NFASC: variants seen among roughly 807,000 people sequenced by gnomAD.
The protein encoded by NFASC is neurofascin homolog.
NFASC carries 43 observed loss-of-function variants against 147.5 expected under a neutral mutation model. The observed-to-expected ratio is 0.29, with a 90% CI of 0.23 to 0.38. The LOEUF is 0.38. Ranked by LOEUF, NFASC falls within the 10% of genes least tolerant of loss-of-function variation. The pLI is 1.00. For missense variants in NFASC, 1,320 were observed against 1,689.0 expected (o/e 0.78, Z 3.83); for synonymous variants, 622 against 665.5 (o/e 0.93, Z 1.01).
chr1:204,937,555 G>A (rs2092972334), intron 2 of NFASC, among the ~76,000 whole-genome samples: 1 of 152,178 alleles, frequency 6.6e-6, no homozygotes, highest in Admixed American at 6.5e-5. Context: ...ACCACACAGT[G>A]TGCAGCCTTT....
At chr1:204,993,339 C>G (rs928612720) in intron 24 of NFASC, among the ~76,000 whole-genome samples, 1 of 152,208 alleles carries the variant, frequency 6.6e-6, no homozygotes, top group African/African-American at 2.4e-5. Context: ...AACCTTCCAC[C>G]TTGGAATGTA....
At chr1:204,997,129 C>T (rs1214932119) in intron 24 of NFASC, 41 bp from the exon 25 acceptor site, 1 of 1,580,786 alleles carries the variant, frequency 6.3e-7, no homozygotes, top group Middle Eastern at 1.7e-4. Context: ...CTGGGCACAG[C>T]CAAACCAACC....
rs996805176 is a variant in NFASC, at chr1:204,975,434, T to C, written c.1706+16T>C. 4 of 1,600,052 alleles carry C rather than the reference T, an allele frequency of 2.5e-6. No individual in the cohort carries two copies. Among genetic ancestry groups the C allele is most frequent in the Non-Finnish European group, 2.6e-6 (3 of 1,169,056 alleles). ...TTGGAAACAGGTTTCTCTTCCCCCT[T>C]CCCCCTTCCTAGTGCTAGTTTGAGG... On this transcript the variant is annotated intron_variant, in intron 15 of 29. Transcript: ENST00000339876. This position sits in a 1 kb window ranked among gnomAD's most constrained non-coding sequence, Gnocchi z 4.0.
At chr1:204,956,913 AAAAAG>A (rs916288232) in intron 7 of NFASC, among the ~76,000 whole-genome samples, 1 of 152,200 alleles carries the variant, frequency 6.6e-6, no homozygotes, top group Non-Finnish European at 1.5e-5. Flanking sequence ...ACTTGAAAAA[AAAAAG>A]AAAAGAAAAT....
chr1:204,976,550 A>G, intron 15 of NFASC, 121 bp from the exon 16 acceptor site: 1 of 689,492 alleles, frequency 1.5e-6, no homozygotes, highest in Non-Finnish European at 2.6e-6. Context: ...GGAGCCTCAT[A>G]CCCCCAGAAG....
At position 204,968,155 on chromosome 1, in the gene NFASC, G is replaced by A. The variant is rs1030865090; in HGVS notation, c.707-94G>A. The A allele has an allele frequency of 2.5e-5, 22 of 874,068 alleles. No homozygotes were observed. The highest frequency in any genetic ancestry group is 4.9e-5 in the African/African-American group (3 of 60,726). 54.1% of individuals were successfully genotyped at this position (874,068 alleles called of 1,614,324 possible). On this transcript the variant is annotated intron_variant, in intron 8 of 29. Transcript: ENST00000339876. The surrounding 1 kb of genome is among the most constrained non-coding windows in gnomAD (Gnocchi z 5.4). ...TCAGCTGGGAGGATCCGGCAGGGGC[G>A]GTGATGCCACTTCTCTCTAGCCTGA... is the stretch of plus-strand genomic sequence containing the variant.
chr1:204,955,410 G>A (rs1367573500), intron 7 of NFASC, among the ~76,000 whole-genome samples: 3 of 152,136 alleles, frequency 2.0e-5, no homozygotes, highest in Non-Finnish European at 2.9e-5. Context: ...ATTGAAAGTG[G>A]TTGATACCAA....
In NFASC at chr1:204,859,502, C is replaced by T. The variant is rs547621170; in HGVS notation, c.-200+30720C>T. 5.6e-3 allele frequency among the ~76,000 whole-genome samples: 860 copies of T among 152,294 alleles called. 7 individuals carry two copies. The highest frequency in any genetic ancestry group is 8.4e-3 in the Non-Finnish European group (569 of 68,028). On this transcript the variant is annotated intron_variant, in intron 1 of 29. Transcript: ENST00000339876. ...GTAAGCTCCATGGCAGGGATTCTGT[C>T]CTTAGTGCCACATAGTGGGTGCCCA...
chr1:204,871,878 T>C (rs2077772394), intron 1 of NFASC, among the ~76,000 whole-genome samples: 1 of 152,184 alleles, frequency 6.6e-6, no homozygotes, highest in Non-Finnish European at 1.5e-5. Flanking sequence ...GTTAGGAAAC[T>C]CTTTCATGTC....
chr1:204,954,780 G>T lies in NFASC; in HGVS notation c.413-49G>T. ...TGCCTCTGACCCTGCTCCTTGCCCC[G>T]GGCCCAGCCATCACCCTCACTTTAT... On this transcript the variant is annotated intron_variant, in intron 6 of 29. Transcript: ENST00000339876. The surrounding 1 kb of genome is among the most constrained non-coding windows in gnomAD (Gnocchi z 5.7). The T allele has an allele frequency of 6.2e-7, 1 of 1,604,772 alleles. No homozygotes were observed.
At chr1:204,953,948 A>G (rs1262768196) in intron 5 of NFASC, among the ~76,000 whole-genome samples, 1 of 152,196 alleles carries the variant, frequency 6.6e-6, no homozygotes, top group Non-Finnish European at 1.5e-5. Context: ...GGGTAGAAAT[A>G]CTAACGTCAG....
intron 23 of NFASC, chr1:204,989,103 A>G (rs2095669242): frequency 2.3e-6 from 1 of 435,890 alleles, no homozygotes; most frequent in Non-Finnish European, 4.2e-6. Context: ...GGAAGAGAGC[A>G]TGAGTTGAGA....
chr1:204,977,200 C>G (rs2095424948), intron 16 of NFASC: 2 of 838,034 alleles, frequency 2.4e-6, no homozygotes, highest in Admixed American at 1.1e-4. Flanking sequence ...CCTTTCCCTC[C>G]CGCTCCATCC....
chr1:204,862,581 A>C (rs115849234), intron 1 of NFASC, among the ~76,000 whole-genome samples: 2,099 of 152,346 alleles, frequency 0.014, 21 homozygotes, highest in Non-Finnish European at 0.021. Context: ...CAAGTTTAAA[A>C]TATAACCTGG....
chr1:204,998,992 A>AG (rs2095912757), intron 25 of NFASC: 1 of 152,244 alleles, frequency 6.6e-6, no homozygotes, highest in Admixed American at 6.5e-5. Flanking sequence ...CTTCAGCAGA[A>AG]TGGCTGTCTA....
chr1:204,871,464 G>A (rs2077686167), intron 1 of NFASC, among the ~76,000 whole-genome samples: 1 of 152,158 alleles, frequency 6.6e-6, no homozygotes, highest in Non-Finnish European at 1.5e-5. Flanking sequence ...AGAGGAGGGA[G>A]ACTCAGTGTT....
At chr1:204,956,521 C>A (rs927568343) in intron 7 of NFASC, among the ~76,000 whole-genome samples, 1 of 152,220 alleles carries the variant, frequency 6.6e-6, no homozygotes, top group African/African-American at 2.4e-5. Flanking sequence ...CTAGAATGCA[C>A]TGGGTTCTTT....
Position 204,974,238 on chromosome 1 carries a change from C to T in NFASC, c.1339C>T (p.Arg447Trp), listed in dbSNP as rs774424825. 65 of 1,614,022 alleles carry T rather than the reference C, an allele frequency of 4.0e-5. No homozygotes were observed. The highest frequency in any genetic ancestry group is 2.1e-4 in the South Asian group (19 of 91,056). Reference sequence around the variant, plus strand: ...GCTCATTCGAGTGATTCTTTACAACCGGACGCGGCTGGACTGCCCTTTCTT... The same window carrying T: ...GCTCATTCGAGTGATTCTTTACAACTGGACGCGGCTGGACTGCCCTTTCTT... ...NQLIRVILYNRTRLDCPFFGS... is the reference protein window; with the variant it reads ...NQLIRVILYNWTRLDCPFFGS... The change falls in exon 13 of 30, where the codon CGG becomes TGG. Residue 447 changes from arginine (R) to tryptophan (W), a missense_variant. Around this residue, in one of 3 missense-constraint regions of NFASC, gnomAD observed 981 missense variants for 1,289.5 expected, o/e 0.76. Transcript: ENST00000339876.
At position 204,981,854 on chromosome 1, in the gene NFASC, G is replaced by A; in HGVS notation, c.2304G>A (p.Arg768=). Residue 768 remains arginine (R), a synonymous_variant, in exon 21 of 30, where the codon AGG becomes AGA. Transcript: ENST00000339876. The part of the protein sequence containing the change: ...GPNLRYIVKW[R]RRETREAWNN... ...ACCTGCGCTACATTGTCAAGTGGAG[G>A]CGGAGAGAGACTCGAGAGGCCTGGA... 6.2e-7 allele frequency: 1 copy of A among 1,602,166 alleles called. No homozygotes were observed. Among genetic ancestry groups the A allele is most frequent in the Non-Finnish European group, 8.5e-7 (1 of 1,174,450 alleles).
Sources: allele counts gnomAD v4.1 joint callset (sites outside exome capture counted in the v4.1 genomes callset), GRCh38; gene constraint gnomAD v4.1.1; regional missense constraint gnomAD v4.1.1; non-coding constraint Gnocchi (gnomAD v3.1); transcripts MANE v1.5; gene names NCBI Gene and HGNC (gene_info 2026-07-23, HGNC 2026-07-21).